The following ZNF12 variants were observed in gnomAD, a reference collection of about 807,000 sequenced individuals.
The protein encoded by ZNF12 is gonadotropin inducible transcription repressor 3.
ZNF12 carries 34 observed loss-of-function variants against 66.6 expected under a neutral mutation model. The ratio of observed to expected loss-of-function variants is 0.51; its 90% CI spans 0.39 to 0.68. The LOEUF (loss-of-function observed/expected upper bound fraction) is 0.68. ZNF12 is among the 30% of genes least tolerant of loss of function. The pLI is 0.00. For synonymous variants in ZNF12, 320 were observed against 278.9 expected (o/e 1.15, Z -1.47); for missense variants, 697 against 826.9 (o/e 0.84, Z 1.93).
chr7:6,704,004 C>T (rs1288548431), intron 2 of ZNF12, among the ~76,000 whole-genome samples: 2 of 152,184 alleles, frequency 1.3e-5, no homozygotes. Context: ...GTCCTTTCTG[C>T]TGTGCAACCC....
rs1780055446 is a variant in ZNF12 at position 6,690,819 on chromosome 7, G to A, written c.*29C>T. 1.9e-6 allele frequency: 3 copies of A among 1,560,706 alleles called. No homozygotes were observed. The East Asian group carries it at 6.8e-5, about 35-fold the overall frequency. Reference sequence around the variant, plus strand: ...AGTTTCTGATTCACTATACTGAAAGGGTTCTCTGATATAAAATGAGGTCTG... The same window carrying A: ...AGTTTCTGATTCACTATACTGAAAGAGTTCTCTGATATAAAATGAGGTCTG... On this transcript the variant is annotated 3_prime_UTR_variant, in exon 5 of 5. Coordinates refer to ENST00000405858, the MANE Select transcript of ZNF12 (RefSeq NM_016265.4).
rs539164215 is a variant in ZNF12, at chr7:6,700,003, C to T, written c.16-2192G>A. Among the ~76,000 whole-genome samples, 4 of 151,912 alleles carry T rather than the reference C, an allele frequency of 2.6e-5. No individual in the cohort carries two copies. The South Asian group carries it at 6.2e-4, about 24-fold the overall frequency. On this transcript the variant is annotated intron_variant, in intron 2 of 4. Coordinates refer to ENST00000405858, the MANE Select transcript of ZNF12 (RefSeq NM_016265.4). ...TCTTACAATAAAAATATGCCAGGGA[C>T]GGCCGGGCGTGGTGGCTCACACCTG...
Position 6,690,560 on chromosome 7 carries a change from G to T in ZNF12, c.*288C>A. 3.6e-6 allele frequency: 1 copy of T among 278,194 alleles called. No homozygotes were observed. The highest frequency in any genetic ancestry group is 6.7e-6 in the Non-Finnish European group (1 of 149,040). The allele number at this position is 278,194 out of a possible 1,614,324, so 17.2% of individuals were successfully genotyped here. On this transcript the variant is annotated 3_prime_UTR_variant, in exon 5 of 5. Transcript: ENST00000405858. ...CCTTATACTGATAGATTTCCCCTTG[G>T]CTATGATTTCCCTGATATGCAAAAC...
At chr7:6,694,677 C>T (rs1309340391) in intron 4 of ZNF12, among the ~76,000 whole-genome samples, 1 of 152,174 alleles carries the variant, frequency 6.6e-6, no homozygotes, top group Non-Finnish European at 1.5e-5. Flanking sequence ...ATTTCACCTA[C>T]AGTCTCCACC....
rs1451291008 is a variant in ZNF12 at position 6,706,530 on chromosome 7, C to T, written c.-149G>A. 4.2e-6 allele frequency: 2 copies of T among 471,950 alleles called. No homozygotes were observed. The highest frequency in any genetic ancestry group is 3.0e-5 in the South Asian group (2 of 65,714). The allele number at this position is 471,950 out of a possible 1,614,324, so 29.2% of individuals were successfully genotyped here. On this transcript the variant is annotated 5_prime_UTR_variant, in exon 1 of 5. Transcript: ENST00000405858. ...TCTGCTCGCGAGGTCCCTTCCTGTC[C>T]ACCTCACCAAGGCCGTTCTGCTCCA...
rs1294129111 is a variant in ZNF12, at chr7:6,698,468, C to T, written c.16-657G>A. Among the ~76,000 whole-genome samples, 2 of 152,192 alleles carry T rather than the reference C, an allele frequency of 1.3e-5. No individual in the cohort carries two copies. Among genetic ancestry groups the T allele is most frequent in the African/African-American group, 4.8e-5 (2 of 41,448 alleles). ...TGGCAAACTCAACATCCCTGAAATT[C>T]AATTGCTGTTCCTGTTCAAACCTGC... On this transcript the variant is annotated intron_variant, in intron 2 of 4. Transcript: ENST00000405858. The surrounding 1 kb of genome is among the most constrained non-coding windows in gnomAD (Gnocchi z 4.4).
chr7:6,695,550 T>G (rs1780142177), intron 4 of ZNF12, among the ~76,000 whole-genome samples: 1 of 152,216 alleles, frequency 6.6e-6, no homozygotes, highest in African/African-American at 2.4e-5. Flanking sequence ...TATTTCTGAA[T>G]GGATGGACAA....
intron 2 of ZNF12, among the ~76,000 whole-genome samples, chr7:6,701,858 T>A (rs1407753148): frequency 6.7e-6 from 1 of 148,588 alleles, no homozygotes; most frequent in East Asian, 2.0e-4. Flanking sequence ...ATCTCTCCCA[T>A]CAAAACAAAA....
In ZNF12 at chr7:6,706,665, G is replaced by T; in HGVS notation, c.-284C>A. Reference sequence around the variant, plus strand: ...CCTGCGGAGCCGGGGCCGGGCCGTCGAGGACGCACACGGGCCGGGCCCGGG... The same window carrying T: ...CCTGCGGAGCCGGGGCCGGGCCGTCTAGGACGCACACGGGCCGGGCCCGGG... On this transcript the variant is annotated 5_prime_UTR_variant, in exon 1 of 5. Transcript: ENST00000405858. 2.9e-6 allele frequency: 1 copy of T among 348,868 alleles called. No homozygotes were observed. The highest frequency in any genetic ancestry group is 5.6e-6 in the Non-Finnish European group (1 of 179,368). The allele number at this position is 348,868 out of a possible 1,614,324, so 21.6% of individuals were successfully genotyped here.
At chr7:6,700,210 G>A (rs548974017) in intron 2 of ZNF12, among the ~76,000 whole-genome samples, 18 of 151,618 alleles carry the variant, frequency 1.2e-4, no homozygotes, top group Admixed American at 5.3e-4. Flanking sequence ...GCGTGAACCC[G>A]GGAGGTGGAG....
In ZNF12 at chr7:6,706,596, G is replaced by T. The variant is rs1780362872; in HGVS notation, c.-215C>A. ...GGCCTACGGGACAAATCCAGGCGGG[G>T]CGTCCCTCCCGGAGCCCAGATCCGT... On this transcript the variant is annotated 5_prime_UTR_variant, in exon 1 of 5. Transcript: ENST00000405858. 1 of 456,186 alleles carries T rather than the reference G, an allele frequency of 2.2e-6. No homozygotes were observed. Among genetic ancestry groups the T allele is most frequent in the African/African-American group, 2.0e-5 (1 of 50,150 alleles). 28.3% of individuals were successfully genotyped at this position (456,186 alleles called of 1,614,324 possible). A position where few individuals can be genotyped will look rare whatever the true frequency, so the allele number is the denominator to read the frequency against.
Position 6,697,644 on chromosome 7 carries a change from T to C in ZNF12, c.142+41A>G, listed in dbSNP as rs1463603157. ...TTAAAGTCATAAAATTTGTGAGAAA[T>C]CCCATATATTTTAGCAACTGAGAAA... On this transcript the variant is annotated intron_variant, in intron 3 of 4. Coordinates refer to ENST00000405858, the MANE Select transcript of ZNF12 (RefSeq NM_016265.4). The surrounding 1 kb of genome is among the most constrained non-coding windows in gnomAD (Gnocchi z 6.1). 1.2e-6 allele frequency: 2 copies of C among 1,610,534 alleles called. No homozygotes were observed. The highest frequency in any genetic ancestry group is 1.7e-6 in the Non-Finnish European group (2 of 1,178,148).
rs3801037 is a variant in ZNF12 at position 6,696,099 on chromosome 7, G to A, written c.238+1240C>T. Among the ~76,000 whole-genome samples the A allele has an allele frequency of 0.17, 25,407 of 152,174 alleles. 2,818 individuals are homozygous for A. The highest frequency in any genetic ancestry group is 0.43 in the South Asian group (2,075 of 4,826). ...TATAGGCTTATCTTGTGAGGCTAGCGATGATATCAACTGGAAACTTTAGAT... is the reference window on the plus strand; with the variant it reads ...TATAGGCTTATCTTGTGAGGCTAGCAATGATATCAACTGGAAACTTTAGAT... On this transcript the variant is annotated intron_variant, in intron 4 of 4. Transcript: ENST00000405858. The surrounding 1 kb of genome is among the most constrained non-coding windows in gnomAD (Gnocchi z 4.0).
At position 6,698,096 on chromosome 7, in the gene ZNF12, C is replaced by T; in HGVS notation, c.16-285G>A. 2 of 606,694 alleles carry T rather than the reference C, an allele frequency of 3.3e-6. No homozygotes were observed. Among genetic ancestry groups the T allele is most frequent in the Non-Finnish European group, 6.2e-6 (2 of 321,906 alleles). The allele number at this position is 606,694 out of a possible 1,614,324, so 37.6% of individuals were successfully genotyped here. A position where few individuals can be genotyped will look rare whatever the true frequency, so the allele number is the denominator to read the frequency against. On this transcript the variant is annotated intron_variant, in intron 2 of 4. Transcript: ENST00000405858. This position sits in a 1 kb window ranked among gnomAD's most constrained non-coding sequence, Gnocchi z 4.4. ...TAACACCAGCAGGGACGAATCTCAC[C>T]CCTGAGGAGCACAGGCCTGGGGACA...
chr7:6,690,951 G>T lies in ZNF12; in HGVS notation c.1991C>A (p.Thr664Asn). The change falls in exon 5 of 5, where the codon ACT (threonine) becomes AAT (asparagine). Residue 664 changes from threonine to asparagine, a missense_variant. Coordinates refer to ENST00000405858, the MANE Select transcript of ZNF12 (RefSeq NM_016265.4). Reference protein sequence around the residue: ...THSGEKPYECTECGKKFYHKS... With the variant: ...THSGEKPYECNECGKKFYHKS... Reference sequence around the variant, plus strand: ...GTGGTAGAATTTTTTTCCACATTCAGTACACTCATAGGGTTTCTCTCCTGA... The same window carrying T: ...GTGGTAGAATTTTTTTCCACATTCATTACACTCATAGGGTTTCTCTCCTGA... 1 of 1,614,092 alleles carries T rather than the reference G, an allele frequency of 6.2e-7. No individual in the cohort carries two copies. The highest frequency in any genetic ancestry group is 8.5e-7 in the Non-Finnish European group (1 of 1,179,984).
At chr7:6,693,008 A>G (rs1780098303) in intron 4 of ZNF12, among the ~76,000 whole-genome samples, 1 of 151,854 alleles carries the variant, frequency 6.6e-6, no homozygotes, top group South Asian at 2.1e-4. Flanking sequence ...AAGATAAAAT[A>G]TAACACAGAA....
intron 2 of ZNF12, among the ~76,000 whole-genome samples, chr7:6,703,073 T>C (rs990638613): frequency 1.3e-5 from 2 of 151,392 alleles, no homozygotes; most frequent in Admixed American, 1.3e-4. Context: ...CACCCCTACC[T>C]GCCTTCCTGA....
At chr7:6,706,184 C>G (rs1780353002) in intron 1 of ZNF12, among the ~76,000 whole-genome samples, 1 of 152,180 alleles carries the variant, frequency 6.6e-6, no homozygotes, top group African/African-American at 2.4e-5. Flanking sequence ...CGGTAGCAAT[C>G]TGGAGCAGAG....
Position 6,692,736 on chromosome 7 carries a change from C to A in ZNF12, c.239-33G>T, listed in dbSNP as rs764124401. The A allele has an allele frequency of 6.6e-7, 1 of 1,518,330 alleles. No individual in the cohort carries two copies. 94.1% of individuals were successfully genotyped at this position (1,518,330 alleles called of 1,614,324 possible). A position where few individuals can be genotyped will look rare whatever the true frequency, so the allele number is the denominator to read the frequency against. ...GAGACAAAATTAATAAACTTTTGTA[C>A]ATCTTCCTATATATATATGATATGG... is the stretch of plus-strand genomic sequence containing the variant. On this transcript the variant is annotated intron_variant, in intron 4 of 4. Coordinates refer to ENST00000405858, the MANE Select transcript of ZNF12 (RefSeq NM_016265.4). This position sits in a 1 kb window ranked among gnomAD's most constrained non-coding sequence, Gnocchi z 5.1.
Sources: allele counts gnomAD v4.1 joint callset (sites outside exome capture counted in the v4.1 genomes callset), GRCh38; gene constraint gnomAD v4.1.1; non-coding constraint Gnocchi (gnomAD v3.1); transcripts MANE v1.5; gene names NCBI Gene and HGNC (gene_info 2026-07-23, HGNC 2026-07-21).